The following RAPGEF1 variants were observed in gnomAD, a reference collection of about 807,000 sequenced individuals.
RAPGEF1 encodes CRK SH3-binding GNRP.
RAPGEF1 carries 33 observed loss-of-function variants against 143.3 expected under a neutral mutation model. The ratio of observed to expected loss-of-function variants is 0.23; its 90% confidence interval spans 0.17 to 0.31. The LOEUF (loss-of-function observed/expected upper bound fraction) is 0.31. RAPGEF1 is among the 10% of genes least tolerant of loss of function. The pLI, the probability that RAPGEF1 is intolerant of heterozygous loss-of-function variation, is 1.00. For synonymous variants in RAPGEF1, 629 were observed against 676.5 expected, an observed-to-expected ratio of 0.93 and a Z score of 1.09; for missense variants, 1,199 against 1,645.4, an observed-to-expected ratio of 0.73 and a Z score of 4.69.
Position 131,577,081 on chromosome 9 carries a change from CG to C in RAPGEF1, c.*2415del, listed in dbSNP as rs889866907. 7 of 152,354 alleles carry C rather than the reference CG, an allele frequency of 4.6e-5. No individual in the cohort carries two copies. Among genetic ancestry groups the C allele is most frequent in the African/African-American group, 1.7e-4 (7 of 41,432 alleles). The allele number at this position is 152,354 out of a possible 1,614,324, so 9.4% of individuals were successfully genotyped here. A position where few individuals can be genotyped will look rare whatever the true frequency, so the allele number is the denominator to read the frequency against. The stretch of plus-strand genomic sequence containing the variant: ...TGAAGACTGATTCCCACAACCCGCC[CG>C]GGCCCCCCAAAGGAACAGACGAGCC... On this transcript the variant is annotated 3_prime_UTR_variant, in exon 27 of 27. Coordinates refer to ENST00000683357, the MANE Select transcript of RAPGEF1 (RefSeq NM_001377935.1).
chr9:131,630,170 C>T lies in RAPGEF1; in HGVS notation c.740+66G>A, dbSNP rs543979641. 8.9e-6 allele frequency: 12 copies of T among 1,350,200 alleles called. No homozygotes were observed. The African/African-American group carries it at 1.7e-4, about 19-fold the overall frequency. 83.6% of individuals were successfully genotyped at this position (1,350,200 alleles called of 1,614,324 possible). On this transcript the variant is annotated intron_variant, in intron 6 of 26. Coordinates refer to ENST00000683357, the MANE Select transcript of RAPGEF1 (RefSeq NM_001377935.1). ...TGCTGCCCACCCCACCGGGCCCTAT[C>T]CTTGTCAAGTGCAGACTTTGCCACT...
chr9:131,668,200 C>A (rs1168255993), intron 1 of RAPGEF1, among the ~76,000 whole-genome samples: 5 of 152,180 alleles, frequency 3.3e-5, no homozygotes, highest in Non-Finnish European at 5.9e-5. Flanking sequence ...CCCAGACTCG[C>A]TCCTCTTATA....
In RAPGEF1 at chr9:131,584,432, G is replaced by A; in HGVS notation, c.3313-20C>T. ...CAAGTGCTGCCGAGAGAGGGGCGGT[G>A]CCGTGAGGCAGGAGGGCAGGCGGGT... On this transcript the variant is annotated intron_variant, in intron 23 of 26. Coordinates refer to ENST00000683357, the MANE Select transcript of RAPGEF1 (RefSeq NM_001377935.1). The surrounding 1 kb of genome is among the most constrained non-coding windows in gnomAD (Gnocchi z 6.8). 1 of 1,613,630 alleles carries A rather than the reference G, an allele frequency of 6.2e-7. No individual in the cohort carries two copies. Among genetic ancestry groups the A allele is most frequent in the Non-Finnish European group, 8.5e-7 (1 of 1,179,526 alleles).
chr9:131,642,097 C>A (rs1256562637), intron 4 of RAPGEF1, among the ~76,000 whole-genome samples: 1 of 152,204 alleles, frequency 6.6e-6, no homozygotes, highest in Non-Finnish European at 1.5e-5. Flanking sequence ...TAAGAAAAAG[C>A]TCCTGCTAGG....
intron 1 of RAPGEF1, among the ~76,000 whole-genome samples, chr9:131,724,353 T>G (rs1268793451): frequency 6.6e-6 from 1 of 152,186 alleles, no homozygotes; most frequent in Non-Finnish European, 1.5e-5. Context: ...CCCAGCACTT[T>G]GGGAGGCCGA....
Position 131,638,628 on chromosome 9 carries a change from C to T in RAPGEF1, c.651+7G>A, listed in dbSNP as rs751357472. On this transcript the variant is annotated splice_region_variant and intron_variant, in intron 5 of 26. Transcript: ENST00000683357. ...TGACTGGGACTGTCTGGAACCTGCACCGGTACCTTCACTCCATCCAGCACA... is the reference window on the plus strand; with the variant it reads ...TGACTGGGACTGTCTGGAACCTGCATCGGTACCTTCACTCCATCCAGCACA... 8.1e-6 allele frequency: 13 copies of T among 1,613,928 alleles called. No homozygotes were observed. The East Asian group carries it at 2.2e-4, about 28-fold the overall frequency.
intron 1 of RAPGEF1, among the ~76,000 whole-genome samples, chr9:131,707,888 C>T (rs1451954921): frequency 1.3e-5 from 2 of 152,148 alleles, no homozygotes; most frequent in South Asian, 2.1e-4. Context: ...GACTCAGCAC[C>T]GTTTCACACA....
At chr9:131,610,585 C>A (rs575074411) in intron 12 of RAPGEF1, among the ~76,000 whole-genome samples, 2 of 152,180 alleles carry the variant, frequency 1.3e-5, no homozygotes, top group Admixed American at 1.3e-4. Flanking sequence ...AGCTGGTTTT[C>A]GGGCTTAAAT....
chr9:131,614,423 C>G (rs734638), intron 12 of RAPGEF1, among the ~76,000 whole-genome samples: 32,958 of 152,280 alleles, frequency 0.22, 4,304 homozygotes, highest in Non-Finnish European at 0.3. Flanking sequence ...TTCTCTCCTT[C>G]TCTCTCTATC....
At chr9:131,733,479 C>T (rs976247818) in intron 1 of RAPGEF1, among the ~76,000 whole-genome samples, 2 of 151,926 alleles carry the variant, frequency 1.3e-5, no homozygotes, top group African/African-American at 2.4e-5. Flanking sequence ...GGAAAATAAG[C>T]CCCAGGAAAG....
intron 1 of RAPGEF1, among the ~76,000 whole-genome samples, chr9:131,695,117 C>T (rs1355700259): frequency 2.0e-5 from 3 of 151,986 alleles, no homozygotes; most frequent in Non-Finnish European, 2.9e-5. Flanking sequence ...TATCTGTAAC[C>T]CAAGTGGCTA....
chr9:131,629,265 G>T lies in RAPGEF1; in HGVS notation c.741-11C>A. 1 of 1,612,052 alleles carries T rather than the reference G, an allele frequency of 6.2e-7. No homozygotes were observed. On this transcript the variant is annotated splice_polypyrimidine_tract_variant and intron_variant, in intron 6 of 26. Coordinates refer to ENST00000683357, the MANE Select transcript of RAPGEF1 (RefSeq NM_001377935.1). ...GGGAGCTCTGCTGGGCTGGAGAATT[G>T]GGAAGAACTTGGGGTTACAGAAGGT...
intron 1 of RAPGEF1, among the ~76,000 whole-genome samples, chr9:131,674,868 C>T (rs1310104192): frequency 6.6e-6 from 1 of 152,110 alleles, no homozygotes; most frequent in Non-Finnish European, 1.5e-5. Context: ...CTACCGAGGT[C>T]AGGGGACAAG....
At chr9:131,662,536 TTTTTG>T (rs1424704184) in intron 1 of RAPGEF1, among the ~76,000 whole-genome samples, 1 of 151,422 alleles carries the variant, frequency 6.6e-6, no homozygotes, top group Non-Finnish European at 1.5e-5. Flanking sequence ...CCTGGCTAAT[TTTTTG>T]TTTTATTTTG....
chr9:131,709,503 G>C (rs1835353215), intron 1 of RAPGEF1: 4 of 852,710 alleles, frequency 4.7e-6, no homozygotes, highest in Non-Finnish European at 7.5e-6. Context: ...TGGACTACCT[G>C]TGCTTTCTGC....
In RAPGEF1 at chr9:131,578,023, G is replaced by C. The variant is rs937494521; in HGVS notation, c.*1474C>G. The stretch of plus-strand genomic sequence containing the variant: ...TCTATATTTTTCCTTTGTTCTGTTT[G>C]AACTGGGCTAAGTAAGCACAGTTAG... On this transcript the variant is annotated 3_prime_UTR_variant, in exon 27 of 27. Transcript: ENST00000683357. The C allele has an allele frequency of 6.6e-6, 1 of 152,246 alleles. No homozygotes were observed. Among genetic ancestry groups the C allele is most frequent in the African/African-American group, 2.4e-5 (1 of 41,466 alleles). 9.4% of individuals were successfully genotyped at this position (152,246 alleles called of 1,614,324 possible). A position where few individuals can be genotyped will look rare whatever the true frequency, so the allele number is the denominator to read the frequency against.
At chr9:131,618,813 G>A (rs907992115) in intron 12 of RAPGEF1, among the ~76,000 whole-genome samples, 2 of 152,190 alleles carry the variant, frequency 1.3e-5, no homozygotes, top group Admixed American at 6.5e-5. Context: ...ATGCCAGACT[G>A]GTGATGCTCC....
At chr9:131,617,332 C>T (rs908325082) in intron 12 of RAPGEF1, among the ~76,000 whole-genome samples, 2 of 152,190 alleles carry the variant, frequency 1.3e-5, no homozygotes, top group African/African-American at 2.4e-5. Context: ...GTGAGGGGAG[C>T]GCATCTTCCC....
chr9:131,732,369 C>T (rs1206795948), intron 1 of RAPGEF1, among the ~76,000 whole-genome samples: 1 of 152,208 alleles, frequency 6.6e-6, no homozygotes, highest in Non-Finnish European at 1.5e-5. Context: ...TACCTAAGAG[C>T]GCTTTGCTCC....
Sources: gnomAD v4.1 joint callset for allele counts (sites outside exome capture counted in the v4.1 genomes callset) on GRCh38, gnomAD v4.1.1 for gene constraint, Gnocchi (gnomAD v3.1) non-coding constraint, MANE v1.5 for transcripts, NCBI Gene and HGNC (gene_info 2026-07-23, HGNC 2026-07-21) for gene names.